The following UBE2U variants were observed in gnomAD, a reference collection of about 807,000 sequenced individuals.
The protein encoded by UBE2U is ubiquitin conjugating enzyme E2 U, also known as ubiquitin-conjugating enzyme E2 U.
Under a neutral mutation model 41.2 loss-of-function variants are expected in UBE2U, and 39 were observed. That is an observed-to-expected ratio of 0.95 (90% CI 0.73 to 1.24). The LOEUF (loss-of-function observed/expected upper bound fraction) is 1.24, where lower values mean the gene tolerates loss of function less well. Ranked by LOEUF, UBE2U falls within the 50% of genes most tolerant of loss-of-function variation. UBE2U has a pLI of 0.00. For synonymous variants in UBE2U, 107 were observed against 117.8 expected (o/e 0.91, Z 0.60); for missense variants, 336 against 363.1 (o/e 0.93, Z 0.61).
In UBE2U at chr1:64,210,750, C is replaced by T. The variant is rs1442345023; in HGVS notation, c.250C>T (p.His84Tyr). 1.3e-6 allele frequency: 2 copies of T among 1,571,438 alleles called. No homozygotes were observed. Residue 84 changes from histidine (H) to tyrosine (Y), a missense_variant, in exon 4 of 10, where the codon CAC (histidine) becomes TAC (tyrosine). By Grantham distance (83) the His-to-Tyr change is moderately conservative (BLOSUM62 2). Coordinates refer to ENST00000371077, the MANE Select transcript of UBE2U (RefSeq NM_001366232.2). ...TIPFHPNVDP[H>Y]TGQPCIDFLD... ...GTATTATTTTAATACAGTAGACCCA[C>T]ACACTGGTCAGCCCTGTATAGACTT... is the stretch of plus-strand genomic sequence containing the variant.
At chr1:64,220,478 C>T (rs1355199665) in intron 5 of UBE2U, among the ~76,000 whole-genome samples, 1 of 152,190 alleles carries the variant, frequency 6.6e-6, no homozygotes, top group Non-Finnish European at 1.5e-5. Context: ...CAGTGGTCAT[C>T]ATGTGATTGC....
In UBE2U at chr1:64,214,903, T is replaced by G; in HGVS notation, c.428T>G (p.Ile143Ser). ...LVKDESLYRT[I>S]LRLFNRPLQM... Reference sequence around the variant, plus strand: ...AAAGATGAATCTCTGTACAGAACAATTCTAAGACTTTTCAACAGGCCATTA... The same window carrying G: ...AAAGATGAATCTCTGTACAGAACAAGTCTAAGACTTTTCAACAGGCCATTA... The change falls in exon 5 of 10, where the codon ATT becomes AGT. Residue 143 changes from isoleucine to serine, a missense_variant. Physicochemically the swap from Ile to Ser is moderately radical, Grantham distance 142 (BLOSUM62 -2). Transcript: ENST00000371077. 1 of 1,614,068 alleles carries G rather than the reference T, an allele frequency of 6.2e-7. No homozygotes were observed. The highest frequency in any genetic ancestry group is 8.5e-7 in the Non-Finnish European group (1 of 1,179,940).
chr1:64,239,741 GTCACATTT>G (rs1244404810), intron 7 of UBE2U, among the ~76,000 whole-genome samples: 1 of 152,024 alleles, frequency 6.6e-6, no homozygotes, highest in Non-Finnish European at 1.5e-5. Context: ...GTGTATATGT[GTCACATTT>G]TCTTAATCCA....
chr1:64,233,152 T>G (rs1196933223), intron 7 of UBE2U, among the ~76,000 whole-genome samples: 1 of 151,820 alleles, frequency 6.6e-6, no homozygotes, highest in Non-Finnish European at 1.5e-5. Context: ...GGACTACAGG[T>G]GTCTGCCACC....
intron 7 of UBE2U, among the ~76,000 whole-genome samples, chr1:64,239,099 G>GA (rs1281562918): frequency 3.3e-4 from 2 of 5,998 alleles, no homozygotes; most frequent in African/African-American, 8.1e-4. Flanking sequence ...AGAGGAAGAA[G>GA]AAGAAGAAGA....
At chr1:64,216,354 A>C (rs988594683) in intron 5 of UBE2U, among the ~76,000 whole-genome samples, 1 of 152,226 alleles carries the variant, frequency 6.6e-6, no homozygotes, top group African/African-American at 2.4e-5. Flanking sequence ...AGTAGGCTCC[A>C]CTTGGAACCT....
intron 8 of UBE2U, among the ~76,000 whole-genome samples, chr1:64,257,761 C>T (rs1645117952): frequency 6.6e-6 from 1 of 151,684 alleles, no homozygotes; most frequent in African/African-American, 2.4e-5. Flanking sequence ...GTACATGTAC[C>T]CCTGAACTTA....
At chr1:64,263,454 G>C (rs1001954392) in intron 9 of UBE2U, among the ~76,000 whole-genome samples, 3 of 152,132 alleles carry the variant, frequency 2.0e-5, no homozygotes, top group Non-Finnish European at 2.9e-5. Context: ...TCAAGGCATA[G>C]ATCTGAGCTT....
intron 8 of UBE2U, among the ~76,000 whole-genome samples, chr1:64,242,595 T>A (rs1330807800): frequency 1.3e-5 from 2 of 151,960 alleles, no homozygotes; most frequent in African/African-American, 4.8e-5. Context: ...TTGAATATAT[T>A]TTTTTAAATT....
chr1:64,264,880 G>A (rs1439348129), intron 9 of UBE2U, among the ~76,000 whole-genome samples: 1 of 152,152 alleles, frequency 6.6e-6, no homozygotes, highest in Non-Finnish European at 1.5e-5. Flanking sequence ...ATCCCAGGAG[G>A]CAGAGGTTGC....
At chr1:64,226,834 T>C (rs986929720) in intron 6 of UBE2U, among the ~76,000 whole-genome samples, 1 of 152,136 alleles carries the variant, frequency 6.6e-6, no homozygotes, top group Admixed American at 6.6e-5. Context: ...CTGAGATTAC[T>C]ACACGAAAGG....
chr1:64,241,749 T>G lies in UBE2U; in HGVS notation c.677+16T>G. Reference sequence around the variant, plus strand: ...GGAATTTAAAGTAAGAAATATGAAGTGCCTTGAATGTGTACATTAACTTGA... The same window carrying G: ...GGAATTTAAAGTAAGAAATATGAAGGGCCTTGAATGTGTACATTAACTTGA... On this transcript the variant is annotated intron_variant, in intron 8 of 9. Coordinates refer to ENST00000371077, the MANE Select transcript of UBE2U (RefSeq NM_001366232.2). 1.9e-6 allele frequency: 3 copies of G among 1,572,262 alleles called. No individual in the cohort carries two copies. The highest frequency in any genetic ancestry group is 2.6e-6 in the Non-Finnish European group (3 of 1,149,844).
In UBE2U at chr1:64,210,784, A is replaced by T. The variant is rs776567811; in HGVS notation, c.284A>T (p.Asn95Ile). 1.9e-6 allele frequency: 3 copies of T among 1,607,512 alleles called. No homozygotes were observed. In the South Asian group the frequency reaches 3.3e-5, roughly 18 times the overall value. ...CAGCCCTGTATAGACTTTTTGGACA[A>T]CCCTGAGAAGTGGAATACAAACTAT... Reference protein sequence around the residue: ...TGQPCIDFLDNPEKWNTNYTL... With the variant: ...TGQPCIDFLDIPEKWNTNYTL... The change falls in exon 4 of 10, where the codon AAC (asparagine) becomes ATC (isoleucine). Residue 95 changes from asparagine to isoleucine, a missense_variant. Asn to Ile is a moderately radical substitution (Grantham distance 149). Coordinates refer to ENST00000371077, the MANE Select transcript of UBE2U (RefSeq NM_001366232.2).
At position 64,248,048 on chromosome 1, in the gene UBE2U, T is replaced by C. The variant is rs369007321; in HGVS notation, c.677+6315T>C. ...TAAATAAACCTGTTTTCCTTATAAATTACCCACTCCCAGGTATTTGTAGCA... is the reference window on the plus strand; with the variant it reads ...TAAATAAACCTGTTTTCCTTATAAACTACCCACTCCCAGGTATTTGTAGCA... On this transcript the variant is annotated intron_variant, in intron 8 of 9. Transcript: ENST00000371077. Among the ~76,000 whole-genome samples the C allele has an allele frequency of 9.2e-5, 14 of 152,194 alleles. 1 individual carries two copies. In the East Asian group the frequency reaches 1.7e-3, roughly 19 times the overall value.
At chr1:64,220,490 C>T (rs1652370959) in intron 5 of UBE2U, among the ~76,000 whole-genome samples, 1 of 152,178 alleles carries the variant, frequency 6.6e-6, no homozygotes. Context: ...TGTGATTGCA[C>T]AAGATGAGGG....
intron 8 of UBE2U, among the ~76,000 whole-genome samples, chr1:64,253,756 GAAGA>G (rs755670316): frequency 3.9e-5 from 6 of 152,112 alleles, no homozygotes; most frequent in Non-Finnish European, 7.3e-5. Flanking sequence ...AAGAACTCCT[GAAGA>G]AAGCACTAAA....
At chr1:64,231,102 T>C (rs1017380890) in intron 6 of UBE2U, among the ~76,000 whole-genome samples, 3 of 152,190 alleles carry the variant, frequency 2.0e-5, no homozygotes, top group Non-Finnish European at 2.9e-5. Context: ...ACACTAAAGT[T>C]ATACCTTTTA....
In UBE2U at chr1:64,204,128, G is replaced by T. The variant is rs754115020; in HGVS notation, c.66+12G>T. The T allele has an allele frequency of 6.2e-7, 1 of 1,608,930 alleles. No individual in the cohort carries two copies. Among genetic ancestry groups the T allele is most frequent in the East Asian group, 2.2e-5 (1 of 44,776 alleles). On this transcript the variant is annotated intron_variant, in intron 1 of 9. Transcript: ENST00000371077. ...AGAACAATTATAAGGTAAGTACTGG[G>T]CACGTGGAGAGATGTGTTTCATTGT...
At chr1:64,238,032 C>T (rs1644702252) in intron 7 of UBE2U, among the ~76,000 whole-genome samples, 1 of 152,128 alleles carries the variant, frequency 6.6e-6, no homozygotes, top group African/African-American at 2.4e-5. Context: ...ATTACTCAAC[C>T]TCTCTATGTC....
Sources: allele counts gnomAD v4.1 joint callset (sites outside exome capture counted in the v4.1 genomes callset), GRCh38; gene constraint gnomAD v4.1.1; transcripts MANE v1.5; gene names NCBI Gene and HGNC (gene_info 2026-07-23, HGNC 2026-07-21).